Variants in FCMR observed in about 807,000 individuals in gnomAD.
The protein encoded by FCMR is immunoglobulin mu Fc receptor.
A neutral mutation model predicts 41.6 loss-of-function variants in FCMR; 34 were observed. That is an observed-to-expected ratio of 0.82 (90% CI 0.62 to 1.09). The LOEUF (loss-of-function observed/expected upper bound fraction) is 1.09. FCMR is among the 50% of genes least tolerant of loss of function. The probability of loss-of-function intolerance (pLI) is 0.00; values close to 1 mark genes in which losing one functional copy is unlikely to be tolerated. For missense variants in FCMR, 496 were observed against 512.5 expected, an observed-to-expected ratio of 0.97 and a Z score of 0.31; for synonymous variants, 209 against 211.8, an observed-to-expected ratio of 0.99 and a Z score of 0.12.
chr1:206,907,960 A>G, intron 7 of FCMR: 1 of 1,444,964 alleles, frequency 6.9e-7, no homozygotes. Flanking sequence ...CTACGACAAG[A>G]AAAAGCGGAT....
At chr1:206,908,743 T>A (rs1274156377) in intron 7 of FCMR, among the ~76,000 whole-genome samples, 2 of 152,070 alleles carry the variant, frequency 1.3e-5, no homozygotes, top group Admixed American at 6.5e-5. Context: ...AAACAGGGAT[T>A]TTTACCACAC....
rs1678777637 is a variant in FCMR at position 206,908,493 on chromosome 1, T to C, written c.1044+969A>G. The stretch of plus-strand genomic sequence containing the variant: ...TATTAGCAAAAAGGAGTCGGAAGAC[T>C]AATTGGAGGGGCCCTACCTTGTGAG... On this transcript the variant is annotated intron_variant, in intron 7 of 7. Coordinates refer to ENST00000367091, the MANE Select transcript of FCMR (RefSeq NM_005449.5). 2.6e-5 allele frequency among the ~76,000 whole-genome samples: 4 copies of C among 152,176 alleles called. No homozygotes were observed. In the South Asian group the frequency reaches 6.2e-4, roughly 24 times the overall value.
rs1489404675 is a variant in FCMR, at chr1:206,909,473, CG to C, written c.1032del (p.Ala345ProfsTer16). 3 of 1,280,876 alleles carry C rather than the reference CG, an allele frequency of 2.3e-6. No homozygotes were observed. The highest frequency in any genetic ancestry group is 3.0e-6 in the Non-Finnish European group (3 of 1,014,750). 79.3% of individuals were successfully genotyped at this position (1,280,876 alleles called of 1,614,324 possible). A position where few individuals can be genotyped will look rare whatever the true frequency, so the allele number is the denominator to read the frequency against. ...GGAGCGGAGCTTACCTGCAGCGGGG[CG>C]GGGGGCAACGGCGCTCCGGGGCCGG... is the stretch of plus-strand genomic sequence containing the variant. ...PVPGPGAPLPPAPLQVSESPW... is the reference protein window; with the variant it reads ...PVPGPGAPLPXAPLQVSESPW... On this transcript the variant is annotated frameshift_variant, in exon 7 of 8. Coordinates refer to ENST00000367091, the MANE Select transcript of FCMR (RefSeq NM_005449.5). LOFTEE classifies it low-confidence loss of function (END_TRUNC). This position sits in a 1 kb window ranked among gnomAD's most constrained non-coding sequence, Gnocchi z 5.0.
Position 206,910,209 on chromosome 1 carries a change from C to T in FCMR, c.841+1G>A, listed in dbSNP as rs1168725901. ...CTCCCTACCGAAGCCCAGCCGCTCA[C>T]CTTTCCTCCTTTCAACGGCCCTTTT... On this transcript the variant is annotated splice_donor_variant, in intron 5 of 7. Transcript: ENST00000367091. LOFTEE classifies it high-confidence loss of function. The T allele has an allele frequency of 1.3e-6, 2 of 1,599,746 alleles. No individual in the cohort carries two copies. Among genetic ancestry groups the T allele is most frequent in the Admixed American group, 1.7e-5 (1 of 58,122 alleles).
chr1:206,906,104 T>C (rs931322754), intron 7 of FCMR: 2 of 446,484 alleles, frequency 4.5e-6, no homozygotes, highest in South Asian at 1.9e-5. Flanking sequence ...AATAAGCACA[T>C]GTTGGTAGCA....
chr1:206,918,914 T>C (rs936051870), intron 1 of FCMR, among the ~76,000 whole-genome samples: 3 of 152,060 alleles, frequency 2.0e-5, no homozygotes, highest in African/African-American at 7.2e-5. Flanking sequence ...GGAGTACAAA[T>C]TAAAGCCCAA....
At chr1:206,913,526 GAACAATACAAAGAGA>G (rs1679034192) in intron 2 of FCMR, 1 of 574,612 alleles carries the variant, frequency 1.7e-6, no homozygotes, top group Non-Finnish European at 3.1e-6. Flanking sequence ...TGGGTAGGAT[GAACAATACAAAGAGA>G]GCACCTATCT....
At chr1:206,917,858 TC>T in intron 1 of FCMR, 1 of 453,586 alleles carries the variant, frequency 2.2e-6, no homozygotes, top group South Asian at 1.6e-5. Flanking sequence ...GCTCAAATGA[TC>T]CACCCACCTC....
At chr1:206,916,623 C>A (rs1679204271) in intron 1 of FCMR, among the ~76,000 whole-genome samples, 1 of 152,234 alleles carries the variant, frequency 6.6e-6, no homozygotes, top group Non-Finnish European at 1.5e-5. Flanking sequence ...TGAAAATGAC[C>A]AGTCCCCAGG....
chr1:206,913,169 C>A, intron 2 of FCMR, 127 bp from the exon 3 acceptor site: 1 of 732,720 alleles, frequency 1.4e-6, no homozygotes, highest in South Asian at 1.6e-5. Context: ...CTGAAAGAAG[C>A]AGAGAAGGAG....
In FCMR at chr1:206,904,900, G is replaced by A; in HGVS notation, c.*119C>T. On this transcript the variant is annotated 3_prime_UTR_variant, in exon 8 of 8. Transcript: ENST00000367091. ...TAGATGGGGATGGGAGTCGAGATGG[G>A]GCATGGGAAGTGATGAGGGCTCTGA... The A allele has an allele frequency of 9.3e-7, 1 of 1,080,560 alleles. No homozygotes were observed. The allele number at this position is 1,080,560 out of a possible 1,614,324, so 66.9% of individuals were successfully genotyped here. A position where few individuals can be genotyped will look rare whatever the true frequency, so the allele number is the denominator to read the frequency against.
At position 206,909,599 on chromosome 1, in the gene FCMR, C is replaced by G; in HGVS notation, c.986-79G>C. The G allele has an allele frequency of 1.6e-6, 2 of 1,277,430 alleles. No individual in the cohort carries two copies. Among genetic ancestry groups the G allele is most frequent in the Non-Finnish European group, 2.0e-6 (2 of 995,100 alleles). 79.1% of individuals were successfully genotyped at this position (1,277,430 alleles called of 1,614,324 possible). A position where few individuals can be genotyped will look rare whatever the true frequency, so the allele number is the denominator to read the frequency against. On this transcript the variant is annotated intron_variant, in intron 6 of 7. Transcript: ENST00000367091. The surrounding 1 kb of genome is among the most constrained non-coding windows in gnomAD (Gnocchi z 5.0). ...TCATGCTACTACTCCCAGCTCCACC[C>G]CCGCCCCACTCCCAGCTCCACCCTG...
At chr1:206,907,935 C>A in intron 7 of FCMR, 1 of 1,287,450 alleles carries the variant, frequency 7.8e-7, no homozygotes, top group East Asian at 2.3e-5. Flanking sequence ...AGGTGTTTGA[C>A]GGCATCCTAC....
intron 1 of FCMR, among the ~76,000 whole-genome samples, chr1:206,920,542 G>A (rs369494783): frequency 5.9e-5 from 9 of 152,024 alleles, no homozygotes; most frequent in Admixed American, 4.6e-4. Context: ...GCAGGAGTGT[G>A]TGGCTTGTGT....
Position 206,909,586 on chromosome 1 carries a change from T to A in FCMR, c.986-66A>T, listed in dbSNP as rs1280332868. The stretch of plus-strand genomic sequence containing the variant: ...TCCCGCCCCACCGTCATGCTACTAC[T>A]CCCAGCTCCACCCCCGCCCCACTCC... On this transcript the variant is annotated intron_variant, in intron 6 of 7. Transcript: ENST00000367091. The surrounding 1 kb of genome is among the most constrained non-coding windows in gnomAD (Gnocchi z 5.0). 1 of 1,275,672 alleles carries A rather than the reference T, an allele frequency of 7.8e-7. No homozygotes were observed. The highest frequency in any genetic ancestry group is 4.1e-5 in the Admixed American group (1 of 24,172). 79.0% of individuals were successfully genotyped at this position (1,275,672 alleles called of 1,614,324 possible).
rs755019095 is a variant in FCMR at position 206,904,992 on chromosome 1, T to C, written c.*27A>G. 1.2e-6 allele frequency: 2 copies of C among 1,612,986 alleles called. No homozygotes were observed. The highest frequency in any genetic ancestry group is 1.7e-6 in the Non-Finnish European group (2 of 1,179,522). ...ACTCCTTGGCACCACAGTCCGAGCC[T>C]GGGGTTGGGGGATAGCTGGGGAGTT... On this transcript the variant is annotated 3_prime_UTR_variant, in exon 8 of 8. Transcript: ENST00000367091.
In FCMR at chr1:206,903,670, T is replaced by G. The variant is rs933535800; in HGVS notation, c.*1349A>C. ...ACAAAGCAGATCCTCAATAAACATT[T>G]CATTTCCCACCCACACTCGCCAGCT... On this transcript the variant is annotated 3_prime_UTR_variant, in exon 8 of 8. Transcript: ENST00000367091. 1.3e-5 allele frequency: 2 copies of G among 152,326 alleles called. No individual in the cohort carries two copies. Among genetic ancestry groups the G allele is most frequent in the Non-Finnish European group, 1.5e-5 (1 of 68,080 alleles). 9.4% of individuals were successfully genotyped at this position (152,326 alleles called of 1,614,324 possible). A position where few individuals can be genotyped will look rare whatever the true frequency, so the allele number is the denominator to read the frequency against.
Position 206,909,770 on chromosome 1 carries a change from TG to T in FCMR, c.939del (p.Asn313LysfsTer48). 6.8e-7 allele frequency: 1 copy of T among 1,464,380 alleles called. No individual in the cohort carries two copies. Among genetic ancestry groups the T allele is most frequent in the South Asian group, 1.3e-5 (1 of 74,870 alleles). The allele number at this position is 1,464,380 out of a possible 1,614,324, so 90.7% of individuals were successfully genotyped here. ...RGSPRPRSQN[N>X]IYSACPRRAR... is the part of the protein sequence containing the mutation. ...GCGCGCCGCGGGCAGGCGCTGTAGA[TG>T]TTGTTTTGGGAGCGCGGTCGCGGCG... On this transcript the variant is annotated frameshift_variant, in exon 6 of 8. Coordinates refer to ENST00000367091, the MANE Select transcript of FCMR (RefSeq NM_005449.5). LOFTEE classifies it high-confidence loss of function. The surrounding 1 kb of genome is among the most constrained non-coding windows in gnomAD (Gnocchi z 5.0).
chr1:206,917,212 G>A (rs1450092758), intron 1 of FCMR, among the ~76,000 whole-genome samples: 1 of 152,202 alleles, frequency 6.6e-6, no homozygotes, highest in African/African-American at 2.4e-5. Context: ...GAGCTCTGGA[G>A]AGGGACTCTG....
Sources: allele counts gnomAD v4.1 joint callset (sites outside exome capture counted in the v4.1 genomes callset), GRCh38; gene constraint gnomAD v4.1.1; non-coding constraint Gnocchi (gnomAD v3.1); transcripts MANE v1.5; gene names NCBI Gene and HGNC (gene_info 2026-07-23, HGNC 2026-07-21).